TENM1: variants seen among roughly 807,000 people sequenced by gnomAD.
TENM1 encodes the protein teneurin-1.
Under a neutral mutation model 174.8 loss-of-function variants are expected in TENM1, and 35 were observed. The ratio of observed to expected loss-of-function variants is 0.20; its 90% CI spans 0.15 to 0.27. The LOEUF is 0.27. Ranked by LOEUF, TENM1 falls within the 10% of genes least tolerant of loss-of-function variation. The pLI, the probability that TENM1 is intolerant of heterozygous loss-of-function variation, is 1.00. For synonymous variants in TENM1, 781 were observed against 798.7 expected, an observed-to-expected ratio of 0.98 and a Z score of 0.37; for missense variants, 1,633 against 2,130.1, an observed-to-expected ratio of 0.77 and a Z score of 4.59.
intron 5 of TENM1, among the ~76,000 whole-genome samples, chrX:124,679,807 G>A (rs1266286382): frequency 9.0e-6 from 1 of 111,540 alleles, no homozygotes; most frequent in African/African-American, 3.3e-5. Context: ...TATTGCCTCA[G>A]CAGTTTCATT....
intron 20 of TENM1, among the ~76,000 whole-genome samples, chrX:124,494,820 T>C (rs1431505397): frequency 9.3e-6 from 1 of 107,575 alleles, no homozygotes; most frequent in Non-Finnish European, 1.9e-5. Flanking sequence ...ATTTCATCCA[T>C]GTCCCTACAA....
intron 22 of TENM1, among the ~76,000 whole-genome samples, chrX:124,471,388 C>A (rs1377402071): frequency 4.1e-5 from 1 of 24,438 alleles, no homozygotes; most frequent in African/African-American, 1.8e-4. Context: ...ATATATAGTA[C>A]TATATATAAT....
At chrX:124,653,060 G>T (rs764105414) in intron 7 of TENM1, among the ~76,000 whole-genome samples, 1 of 111,299 alleles carries the variant, frequency 9.0e-6, no homozygotes, top group East Asian at 2.8e-4. Context: ...ATAAGGAGAA[G>T]AAAATAAGAG....
At chrX:124,838,184 C>T (rs940361976) in intron 3 of TENM1, among the ~76,000 whole-genome samples, 7 of 111,969 alleles carry the variant, frequency 6.3e-5, no homozygotes, top group African/African-American at 2.3e-4. Flanking sequence ...GAAATGTGTC[C>T]CACATCAGTA....
chrX:125,139,818 C>A, the TENM1 span, among the ~76,000 whole-genome samples: 2 of 96,278 alleles, frequency 2.1e-5, no homozygotes, highest in Non-Finnish European at 4.1e-5. Flanking sequence ...CAATTAGCTG[C>A]CCTCAACACA....
the TENM1 span, among the ~76,000 whole-genome samples, chrX:125,188,704 G>T: frequency 1.8e-5 from 2 of 111,211 alleles, no homozygotes; most frequent in Admixed American, 9.6e-5. Flanking sequence ...ATGACAACAG[G>T]GTATCATATT....
the TENM1 span, among the ~76,000 whole-genome samples, chrX:125,188,831 A>G: frequency 8.9e-6 from 1 of 112,067 alleles, no homozygotes; most frequent in Non-Finnish European, 1.9e-5. Context: ...ATCACTGTTA[A>G]TGTTGCTCAA....
intron 22 of TENM1, among the ~76,000 whole-genome samples, chrX:124,473,529 T>C (rs59087560): frequency 0.043 from 4,824 of 111,312 alleles, 261 homozygotes; most frequent in African/African-American, 0.15. Context: ...CATGTAGGCG[T>C]CCAAGTTTCA....
At chrX:125,065,441 G>C in the TENM1 span, among the ~76,000 whole-genome samples, 1 of 111,814 alleles carries the variant, frequency 8.9e-6, no homozygotes, top group Non-Finnish European at 1.9e-5. Context: ...TTACAGTCCT[G>C]ATTTGGCTCC....
At chrX:125,111,799 A>T in the TENM1 span, among the ~76,000 whole-genome samples, 1 of 111,814 alleles carries the variant, frequency 8.9e-6, no homozygotes, top group Admixed American at 9.5e-5. Flanking sequence ...TCACTGACTG[A>T]ATTTGAGGTG....
intron 1 of TENM1, among the ~76,000 whole-genome samples, chrX:124,958,963 T>C (rs1186010857): frequency 9.0e-6 from 1 of 110,988 alleles, no homozygotes; most frequent in African/African-American, 3.3e-5. Context: ...AGGCATCTAG[T>C]ACCGTACCTG....
At chrX:124,774,217 T>A (rs1443391588) in intron 3 of TENM1, among the ~76,000 whole-genome samples, 1 of 111,765 alleles carries the variant, frequency 8.9e-6, no homozygotes, top group Non-Finnish European at 1.9e-5. Flanking sequence ...GTCCTAAAAA[T>A]ATATAGTATC....
chrX:124,885,675 G>A lies in TENM1; in HGVS notation c.535+8621C>T, dbSNP rs1015567653. Among the ~76,000 whole-genome samples, 5 of 110,025 alleles carry A rather than the reference G, an allele frequency of 4.5e-5. No homozygotes were observed. In the South Asian group the frequency reaches 1.2e-3, roughly 26 times the overall value. On this transcript the variant is annotated intron_variant, in intron 3 of 31. Coordinates refer to ENST00000422452, the Ensembl canonical transcript of TENM1. ...ATTTTATTTTGGAGAGAACCTTAAG[G>A]ATTTTTTCCTGTTTTTCAGTAATTT... is the stretch of plus-strand genomic sequence containing the variant.
chrX:125,132,976 CT>C, the TENM1 span, among the ~76,000 whole-genome samples: 1 of 110,553 alleles, frequency 9.0e-6, no homozygotes, highest in Non-Finnish European at 1.9e-5. Context: ...TCTTCTTCTT[CT>C]TTTTTTTCTT....
At chrX:124,392,344 T>C (rs367812355) in exon 28 of TENM1, 1 of 1,190,048 alleles carries the variant, frequency 8.4e-7, no homozygotes, top group African/African-American at 1.8e-5. Context: ...GTTTCTGTTG[T>C]GGGCCTATGA....
At chrX:124,405,759 G>T (rs1253380506) in intron 26 of TENM1, among the ~76,000 whole-genome samples, 1 of 110,897 alleles carries the variant, frequency 9.0e-6, no homozygotes, top group African/African-American at 3.3e-5. Context: ...CTTAATGACA[G>T]GGCAGAGAGA....
At chrX:124,430,408 C>T (rs1458540225) in intron 23 of TENM1, among the ~76,000 whole-genome samples, 1 of 112,263 alleles carries the variant, frequency 8.9e-6, no homozygotes, top group Non-Finnish European at 1.9e-5. Flanking sequence ...TCCCTGTGAC[C>T]TTGGCACGAA....
intron 27 of TENM1, among the ~76,000 whole-genome samples, chrX:124,393,041 G>T (rs1427165331): frequency 9.0e-6 from 1 of 111,481 alleles, no homozygotes; most frequent in African/African-American, 3.3e-5. Context: ...TTTAGAAACA[G>T]TACTTTCACA....
chrX:124,960,159 T>G (rs2058633010), intron 1 of TENM1, among the ~76,000 whole-genome samples: 1 of 112,257 alleles, frequency 8.9e-6, no homozygotes, highest in South Asian at 3.7e-4. Flanking sequence ...ACAATCTGGC[T>G]CCAACATTCC....
Sources: gnomAD v4.1 joint callset for allele counts (sites outside exome capture counted in the v4.1 genomes callset) on GRCh38, gnomAD v4.1.1 for gene constraint, MANE v1.5 for transcripts, NCBI Gene and HGNC (gene_info 2026-07-23, HGNC 2026-07-21) for gene names.